Variants in FBXO38 observed in about 807,000 individuals in gnomAD.
FBXO38 encodes the protein F-box protein 38.
A neutral mutation model predicts 131.9 loss-of-function variants in FBXO38; 53 were observed. The observed-to-expected ratio is 0.40, with a 90% CI of 0.32 to 0.51. FBXO38 has a LOEUF of 0.51. FBXO38 is among the 20% of genes least tolerant of loss of function. FBXO38 has a pLI of 0.53. For missense variants in FBXO38, 1,076 were observed against 1,475.6 expected, an observed-to-expected ratio of 0.73 and a Z score of 4.44; for synonymous variants, 452 against 505.6, an observed-to-expected ratio of 0.89 and a Z score of 1.42.
chr5:148,438,271 A>G, intron 17 of FBXO38, 61 bp from the exon 18 acceptor site: 6 of 1,518,182 alleles, frequency 4.0e-6, no homozygotes, highest in Non-Finnish European at 4.5e-6. Context: ...GTGCCAACAA[A>G]AATTAGGCCA....
At chr5:148,398,512 ATAG>A (rs935454942) in intron 2 of FBXO38, among the ~76,000 whole-genome samples, 4 of 151,752 alleles carry the variant, frequency 2.6e-5, no homozygotes, top group African/African-American at 4.8e-5. Flanking sequence ...GATGGAGAAG[ATAG>A]TAGAGTTTGC....
At chr5:148,387,495 T>G (rs145619903) in intron 1 of FBXO38, among the ~76,000 whole-genome samples, 1 of 152,144 alleles carries the variant, frequency 6.6e-6, no homozygotes, top group Non-Finnish European at 1.5e-5. Context: ...AAGTCTTGAA[T>G]CCCTCAGAGT....
At position 148,414,085 on chromosome 5, in the gene FBXO38, T is replaced by C. The variant is rs949627132; in HGVS notation, c.1094-51T>C. 3 of 1,553,752 alleles carry C rather than the reference T, an allele frequency of 1.9e-6. No individual in the cohort carries two copies. The African/African-American group carries it at 4.1e-5, about 21-fold the overall frequency. ...AAGATACAAAGTTGGTAACACTCCC[T>C]AACACTTAAGAATTTGACTTTTTTT... On this transcript the variant is annotated intron_variant, in intron 9 of 21. Coordinates refer to ENST00000340253, the MANE Select transcript of FBXO38 (RefSeq NM_205836.3).
At chr5:148,393,112 A>G (rs538030860) in intron 1 of FBXO38, among the ~76,000 whole-genome samples, 2 of 151,986 alleles carry the variant, frequency 1.3e-5, no homozygotes, top group South Asian at 2.1e-4. Flanking sequence ...TCAGGGTAGC[A>G]TAGCCCATAT....
At chr5:148,405,435 G>T (rs946392005) in intron 6 of FBXO38, among the ~76,000 whole-genome samples, 1 of 151,742 alleles carries the variant, frequency 6.6e-6, no homozygotes, top group Non-Finnish European at 1.5e-5. Flanking sequence ...TCCTCTTCCA[G>T]TGTGGCCCAG....
chr5:148,403,038 C>G (rs1406629155), intron 5 of FBXO38, among the ~76,000 whole-genome samples: 1 of 151,992 alleles, frequency 6.6e-6, no homozygotes. Flanking sequence ...TTAAATAAGA[C>G]TTAGATACAC....
At chr5:148,420,480 AT>A (rs1298329584) in intron 12 of FBXO38, among the ~76,000 whole-genome samples, 1 of 152,150 alleles carries the variant, frequency 6.6e-6, no homozygotes, top group Non-Finnish European at 1.5e-5. Flanking sequence ...TGTCACAATT[AT>A]GCTTCTGTAA....
chr5:148,415,726 TC>T (rs1269894807), intron 10 of FBXO38, among the ~76,000 whole-genome samples: 2 of 152,118 alleles, frequency 1.3e-5, no homozygotes, highest in Admixed American at 6.5e-5. Context: ...AAATTAATGT[TC>T]CCCAGGCCAT....
chr5:148,394,674 G>T (rs1316611675), intron 1 of FBXO38, 40 bp from the exon 2 acceptor site: 10 of 1,043,954 alleles, frequency 9.6e-6, no homozygotes, highest in Non-Finnish European at 1.3e-5. Flanking sequence ...TTAGTAGGGG[G>T]TGTGTTTTTT....
Position 148,433,476 on chromosome 5 carries a change from TA to T in FBXO38, c.2709del (p.Lys903AsnfsTer9). The stretch of plus-strand genomic sequence containing the variant: ...CCATGAAACGGAAGCGGACAGCAGA[TA>T]AATCCACTAGTACAAGTGATCCTGT... ...HAMKRKRTAD[K>X]STSTSDPVIE... On this transcript the variant is annotated frameshift_variant, in exon 16 of 22. Transcript: ENST00000340253. LOFTEE classifies it high-confidence loss of function. The T allele has an allele frequency of 6.2e-7, 1 of 1,613,966 alleles. No homozygotes were observed. The highest frequency in any genetic ancestry group is 8.5e-7 in the Non-Finnish European group (1 of 1,179,936).
At chr5:148,438,284 T>A (rs1196792051) in intron 17 of FBXO38, 48 bp from the exon 18 acceptor site, 3 of 1,558,422 alleles carry the variant, frequency 1.9e-6, no homozygotes, top group Non-Finnish European at 2.6e-6. Flanking sequence ...TTAGGCCATC[T>A]CTCCAAAGAT....
At chr5:148,387,069 C>T (rs567425299) in intron 1 of FBXO38, among the ~76,000 whole-genome samples, 2 of 152,042 alleles carry the variant, frequency 1.3e-5, no homozygotes, top group South Asian at 2.1e-4. Flanking sequence ...TGAAGTTTGC[C>T]TCATTGATTG....
At chr5:148,397,847 G>A (rs1758560166) in intron 2 of FBXO38, among the ~76,000 whole-genome samples, 1 of 152,156 alleles carries the variant, frequency 6.6e-6, no homozygotes, top group Admixed American at 6.5e-5. Flanking sequence ...TAATAATAGT[G>A]TATACTATGT....
At chr5:148,419,045 A>G (rs759468161) in intron 12 of FBXO38, among the ~76,000 whole-genome samples, 13 of 152,258 alleles carry the variant, frequency 8.5e-5, no homozygotes, top group East Asian at 1.9e-4. Context: ...CATAATTACT[A>G]TGGAAGGATT....
rs1754175516 is a variant in FBXO38, at chr5:148,433,694, A to G, written c.2814A>G (p.Thr938=). 1 of 1,612,096 alleles carries G rather than the reference A, an allele frequency of 6.2e-7. No individual in the cohort carries two copies. Among genetic ancestry groups the G allele is most frequent in the Non-Finnish European group, 8.5e-7 (1 of 1,178,982 alleles). ...VGVTMTNCGI[T]DLVLKDCPKM... Reference sequence around the variant, plus strand: ...TCACTATGACCAATTGTGGAATCACAGATCTAGTGCTAAAAGACTGTCCAA... The same window carrying G: ...TCACTATGACCAATTGTGGAATCACGGATCTAGTGCTAAAAGACTGTCCAA... Residue 938 remains threonine (T), a synonymous_variant, in exon 17 of 22, where the codon ACA becomes ACG. Coordinates refer to ENST00000340253, the MANE Select transcript of FBXO38 (RefSeq NM_205836.3).
intron 2 of FBXO38, among the ~76,000 whole-genome samples, chr5:148,398,447 A>C (rs2113519284): frequency 6.8e-6 from 1 of 147,190 alleles, no homozygotes; most frequent in Non-Finnish European, 1.5e-5. Context: ...GGTTAAAAAA[A>C]AAAAAAAAAT....
chr5:148,416,759 C>T, intron 11 of FBXO38: 1 of 493,128 alleles, frequency 2.0e-6, no homozygotes, highest in East Asian at 3.5e-5. Flanking sequence ...TGCTGTTGGG[C>T]AGATCTCTTC....
At chr5:148,420,402 C>G (rs924921380) in intron 12 of FBXO38, among the ~76,000 whole-genome samples, 1 of 152,088 alleles carries the variant, frequency 6.6e-6, no homozygotes, top group African/African-American at 2.4e-5. Flanking sequence ...GCTGTGATTA[C>G]AGGCATGAGT....
intron 15 of FBXO38, among the ~76,000 whole-genome samples, chr5:148,429,688 T>C (rs1053547202): frequency 7.2e-5 from 11 of 152,198 alleles, no homozygotes; most frequent in African/African-American, 2.2e-4. Context: ...GGGACTGTTA[T>C]GTTTGTCGTT....
Sources: gnomAD v4.1 joint callset for allele counts (sites outside exome capture counted in the v4.1 genomes callset) on GRCh38, gnomAD v4.1.1 for gene constraint, MANE v1.5 for transcripts, NCBI Gene and HGNC (gene_info 2026-07-23, HGNC 2026-07-21) for gene names.